Variants in SLC38A11 observed in about 807,000 individuals in gnomAD.
The protein encoded by SLC38A11 is solute carrier family 38 member 11, also known as putative sodium-coupled neutral amino acid transporter 11.
A neutral mutation model predicts 49.4 loss-of-function variants in SLC38A11; 51 were observed. That is an observed-to-expected ratio of 1.03 (90% confidence interval 0.83 to 1.30). The LOEUF (loss-of-function observed/expected upper bound fraction) is 1.30. SLC38A11 is among the 50% of genes most tolerant of loss of function. The pLI is 0.00. For synonymous variants in SLC38A11, 203 were observed against 192.9 expected, an observed-to-expected ratio of 1.05 and a Z score of -0.43; for missense variants, 574 against 556.2, an observed-to-expected ratio of 1.03 and a Z score of -0.32.
intron 11 of SLC38A11, among the ~76,000 whole-genome samples, chr2:164,906,382 A>G (rs1685008585): frequency 6.6e-6 from 1 of 152,170 alleles, no homozygotes; most frequent in South Asian, 2.1e-4. Flanking sequence ...AAGAATATTT[A>G]TAGAAATAGA....
intron 10 of SLC38A11, among the ~76,000 whole-genome samples, chr2:164,910,593 C>T (rs561051927): frequency 6.6e-6 from 1 of 152,198 alleles, no homozygotes; most frequent in East Asian, 1.9e-4. Context: ...TCTTCTGTTT[C>T]CCCGTGCAGT....
intron 9 of SLC38A11, 50 bp from the exon 10 acceptor site, chr2:164,911,798 G>A: frequency 1.0e-6 from 1 of 1,000,784 alleles, no homozygotes; most frequent in Non-Finnish European, 1.5e-6. Context: ...AAATGTTTGA[G>A]ATAACTATCT....
At position 164,915,287 on chromosome 2, in the gene SLC38A11, A is replaced by G; in HGVS notation, c.689-14T>C. The G allele has an allele frequency of 1.3e-6, 2 of 1,578,848 alleles. No individual in the cohort carries two copies. Among genetic ancestry groups the G allele is most frequent in the Non-Finnish European group, 1.7e-6 (2 of 1,168,720 alleles). On this transcript the variant is annotated splice_polypyrimidine_tract_variant and intron_variant, in intron 8 of 11. Coordinates refer to ENST00000685975, the MANE Select transcript of SLC38A11 (RefSeq NM_001351537.2). Reference sequence around the variant, plus strand: ...GGCAAATAAATGCTGCAATACAAAAAAAAAGAGCATTATTAAATCAAGCAC... The same window carrying G: ...GGCAAATAAATGCTGCAATACAAAAGAAAAGAGCATTATTAAATCAAGCAC...
intron 7 of SLC38A11, among the ~76,000 whole-genome samples, chr2:164,923,656 G>A (rs578240184): frequency 2.0e-5 from 3 of 152,024 alleles, no homozygotes; most frequent in South Asian, 2.1e-4. Flanking sequence ...AATTAGCCAC[G>A]CGTGGTGGTG....
chr2:164,944,055 T>G (rs1687951399), intron 5 of SLC38A11, among the ~76,000 whole-genome samples: 1 of 152,126 alleles, frequency 6.6e-6, no homozygotes, highest in Middle Eastern at 3.4e-3. Flanking sequence ...GAGGTTTCAC[T>G]ATGTTGCCCA....
chr2:164,909,741 G>A (rs560893775), intron 10 of SLC38A11, among the ~76,000 whole-genome samples: 2 of 152,070 alleles, frequency 1.3e-5, no homozygotes, highest in South Asian at 2.1e-4. Flanking sequence ...TAGTGACCCT[G>A]TGCAAAAGAA....
chr2:164,906,568 C>T (rs1326574308), intron 11 of SLC38A11, among the ~76,000 whole-genome samples: 3 of 152,022 alleles, frequency 2.0e-5, no homozygotes, highest in Non-Finnish European at 4.4e-5. Context: ...ATACATGACA[C>T]GAGATAATAC....
rs963281883 is a variant in SLC38A11 at position 164,946,727 on chromosome 2, T to C, written c.230-1000A>G. On this transcript the variant is annotated intron_variant, in intron 3 of 11. Transcript: ENST00000685975. ...ACTGCAGTTTTATTTGGTACACAGC[T>C]ACACACACAATGTGAGATACTTGTT... 2.0e-5 allele frequency among the ~76,000 whole-genome samples: 3 copies of C among 152,196 alleles called. No homozygotes were observed. In the South Asian group the frequency reaches 6.2e-4, roughly 31 times the overall value.
At chr2:164,922,415 C>T (rs1559105037) in intron 7 of SLC38A11, 1 of 152,302 alleles carries the variant, frequency 6.6e-6, no homozygotes, top group Non-Finnish European at 1.5e-5. Flanking sequence ...ACCTCTTCCC[C>T]CAGCTCCTGC....
intron 7 of SLC38A11, among the ~76,000 whole-genome samples, chr2:164,926,083 G>A (rs10195833): frequency 0.074 from 11,207 of 152,074 alleles, 1,150 homozygotes; most frequent in African/African-American, 0.23. Context: ...ATTTCCACTG[G>A]AAAATGGAAT....
chr2:164,899,819 T>A (rs1405127414), intron 11 of SLC38A11, among the ~76,000 whole-genome samples: 1 of 152,108 alleles, frequency 6.6e-6, no homozygotes, highest in Non-Finnish European at 1.5e-5. Flanking sequence ...ATCTACTTAT[T>A]TAACAAAAGT....
chr2:164,899,930 A>G (rs965872738), intron 11 of SLC38A11, among the ~76,000 whole-genome samples: 13 of 152,112 alleles, frequency 8.5e-5, no homozygotes, highest in African/African-American at 2.4e-4. Flanking sequence ...TCTTTGACCT[A>G]CCTCTCTACA....
intron 6 of SLC38A11, among the ~76,000 whole-genome samples, chr2:164,938,777 T>C (rs1687547589): frequency 1.3e-5 from 2 of 152,192 alleles, no homozygotes; most frequent in South Asian, 4.1e-4. Flanking sequence ...TATAAACAAC[T>C]CTTTTTAAAA....
In SLC38A11 at chr2:164,915,949, T is replaced by C; in HGVS notation, c.642A>G (p.Val214=). The change falls in exon 8 of 12, where the codon GTA becomes GTG. Residue 214 remains valine (V), a synonymous_variant. Transcript: ENST00000685975. The part of the protein sequence containing the change: ...PHIPKTEDAW[V]FAKPNAIQAV... ...CTTGAATGGCATTGGGCTTTGCAAATACCCAAGCGTCTTCTGTTTTTGGTC... is the reference window on the plus strand; with the variant it reads ...CTTGAATGGCATTGGGCTTTGCAAACACCCAAGCGTCTTCTGTTTTTGGTC... The C allele has an allele frequency of 6.3e-7, 1 of 1,595,942 alleles. No individual in the cohort carries two copies. The highest frequency in any genetic ancestry group is 8.6e-7 in the Non-Finnish European group (1 of 1,166,588).
intron 7 of SLC38A11, among the ~76,000 whole-genome samples, chr2:164,929,057 A>T (rs998435956): frequency 6.6e-6 from 1 of 152,118 alleles, no homozygotes; most frequent in Non-Finnish European, 1.5e-5. Context: ...CTGTTTTGCC[A>T]TGTTACTTTC....
intron 7 of SLC38A11, among the ~76,000 whole-genome samples, chr2:164,930,034 A>C (rs985389974): frequency 3.9e-5 from 6 of 152,054 alleles, no homozygotes; most frequent in African/African-American, 1.4e-4. Flanking sequence ...AAGCAAGAAG[A>C]TCCAAATAAA....
chr2:164,951,288 G>A (rs1688507752), intron 3 of SLC38A11, among the ~76,000 whole-genome samples: 1 of 152,020 alleles, frequency 6.6e-6, no homozygotes, highest in Non-Finnish European at 1.5e-5. Flanking sequence ...TGATTATGGT[G>A]GAAATCAATT....
chr2:164,937,859 A>G (rs1172912306), intron 6 of SLC38A11, among the ~76,000 whole-genome samples: 1 of 150,468 alleles, frequency 6.6e-6, no homozygotes, highest in African/African-American at 2.4e-5. Context: ...TCCTTCCAAC[A>G]CCACACACAT....
At chr2:164,935,963 G>A (rs1181350040) in intron 7 of SLC38A11, among the ~76,000 whole-genome samples, 1 of 152,154 alleles carries the variant, frequency 6.6e-6, no homozygotes, top group Non-Finnish European at 1.5e-5. Flanking sequence ...CAACAAGGCA[G>A]GAGGATGGCC....
Sources: gnomAD v4.1 joint callset for allele counts (sites outside exome capture counted in the v4.1 genomes callset) on GRCh38, gnomAD v4.1.1 for gene constraint, MANE v1.5 for transcripts, NCBI Gene and HGNC (gene_info 2026-07-23, HGNC 2026-07-21) for gene names.